Variants in RERE observed in about 807,000 individuals in gnomAD.
RERE encodes arginine-glutamic acid dipeptide repeats.
In RERE, 40 loss-of-function variants were observed where a neutral mutation model predicts 146.1. The ratio of observed to expected loss-of-function variants is 0.27; its 90% CI spans 0.21 to 0.36. The LOEUF (loss-of-function observed/expected upper bound fraction) is 0.36. Among genes scored for constraint, RERE ranks in the 10% least tolerant of loss-of-function variants. The pLI is 1.00. For missense variants in RERE, 1,933 were observed against 2,138.7 expected, an observed-to-expected ratio of 0.90 and a Z score of 1.90; for synonymous variants, 1,003 against 866.0, an observed-to-expected ratio of 1.16 and a Z score of -2.78.
intron 6 of RERE, among the ~76,000 whole-genome samples, chr1:8,555,209 T>C (rs1333077459): frequency 3.9e-5 from 6 of 152,206 alleles, no homozygotes; most frequent in Non-Finnish European, 8.8e-5. Flanking sequence ...CATTTTTAAA[T>C]GGCTGAAAAA....
chr1:8,800,911 G>A (rs769955508), intron 1 of RERE, among the ~76,000 whole-genome samples: 4 of 152,108 alleles, frequency 2.6e-5, no homozygotes, highest in Non-Finnish European at 5.9e-5. Context: ...GTTGCAGTGA[G>A]CCGAGATTGC....
intron 1 of RERE, among the ~76,000 whole-genome samples, chr1:8,785,073 C>T (rs1172950110): frequency 2.0e-5 from 3 of 152,182 alleles, no homozygotes; most frequent in African/African-American, 7.2e-5. Context: ...AGAACCAAAG[C>T]AAATCATAAC....
chr1:8,739,584 C>T (rs907391422), intron 1 of RERE, among the ~76,000 whole-genome samples: 1 of 151,964 alleles, frequency 6.6e-6, no homozygotes, highest in Admixed American at 6.6e-5. Flanking sequence ...TGCCAGCTGG[C>T]GGAGGAAAAG....
At chr1:8,503,085 T>TAAAAAAAAAAA (rs1380278514) in intron 8 of RERE, among the ~76,000 whole-genome samples, 6 of 124,948 alleles carry the variant, frequency 4.8e-5, no homozygotes, top group African/African-American at 1.9e-4. Flanking sequence ...AATGATCAAT[T>TAAAAAAAAAAA]AAAAATAAAT....
chr1:8,470,737 T>C (rs755554527), intron 10 of RERE, among the ~76,000 whole-genome samples: 4 of 151,524 alleles, frequency 2.6e-5, no homozygotes, highest in Non-Finnish European at 4.4e-5. Context: ...CACTATCTTC[T>C]TAATGTTATA....
chr1:8,569,257 C>CAAAA (rs77151908), intron 4 of RERE, among the ~76,000 whole-genome samples: 49 of 101,502 alleles, frequency 4.8e-4, no homozygotes, highest in African/African-American at 1.5e-3. Context: ...TCTTTAAAAG[C>CAAAA]AAAAAAAAAA....
intron 21 of RERE, among the ~76,000 whole-genome samples, 184 bp from the exon 22 acceptor site, chr1:8,355,783 T>G (rs1375716235): frequency 1.3e-5 from 2 of 152,014 alleles, no homozygotes; most frequent in Non-Finnish European, 2.9e-5. Flanking sequence ...GGAGGTGCCC[T>G]TGGGTGCCTC....
At chr1:8,490,729 C>A (rs1644969640) in intron 10 of RERE, among the ~76,000 whole-genome samples, 1 of 150,136 alleles carries the variant, frequency 6.7e-6, no homozygotes, top group African/African-American at 2.5e-5. Context: ...GCAAACTACT[C>A]CAAAATGATT....
intron 16 of RERE, 90 bp from the exon 17 acceptor site, chr1:8,361,966 G>A: frequency 2.2e-6 from 2 of 919,788 alleles, no homozygotes; most frequent in Non-Finnish European, 3.4e-6. Flanking sequence ...CAGACACTTT[G>A]CTCCCTCATT....
At chr1:8,637,261 C>CGACT (rs1647113092) in intron 2 of RERE, among the ~76,000 whole-genome samples, 1 of 152,120 alleles carries the variant, frequency 6.6e-6, no homozygotes, top group Non-Finnish European at 1.5e-5. Flanking sequence ...GTTCCTAGCA[C>CGACT]GACTCTACTA....
chr1:8,629,085 A>G (rs1647006244), intron 2 of RERE, among the ~76,000 whole-genome samples: 1 of 152,342 alleles, frequency 6.6e-6, no homozygotes, highest in South Asian at 2.1e-4. Flanking sequence ...CAGGGCAAGT[A>G]TATATATTTT....
chr1:8,498,720 A>T (rs534052851), intron 8 of RERE, among the ~76,000 whole-genome samples: 1,463 of 65,962 alleles, frequency 0.022, 31 homozygotes, highest in Admixed American at 0.058. Flanking sequence ...TAAAAAAAAA[A>T]AAATAAATAT....
chr1:8,646,606 T>G (rs955636615), intron 2 of RERE, among the ~76,000 whole-genome samples: 1 of 151,066 alleles, frequency 6.6e-6, no homozygotes, highest in Admixed American at 6.6e-5. Context: ...TAAGGACACA[T>G]GAAAATATAA....
At chr1:8,362,932 A>AG in intron 15 of RERE, 88 bp from the exon 16 acceptor site, 1 of 1,437,096 alleles carries the variant, frequency 7.0e-7, no homozygotes, top group South Asian at 1.3e-5. Context: ...AGAAGCCTGA[A>AG]GGCACACCCT....
intron 6 of RERE, among the ~76,000 whole-genome samples, chr1:8,556,120 G>A (rs1040398620): frequency 6.6e-6 from 1 of 152,022 alleles, no homozygotes; most frequent in African/African-American, 2.4e-5. Flanking sequence ...CAAAATGCCA[G>A]GATTACAGAT....
rs573135224 is a variant in RERE, at chr1:8,516,227, G to GGAAAAAAAAAAAAAAA, written c.831-7553_831-7552insTTTTTTTTTTTTTTTC. Among the ~76,000 whole-genome samples, 44 of 52,306 alleles carry GGAAAAAAAAAAAAAAA rather than the reference G, an allele frequency of 8.4e-4. 8 individuals carry two copies. The highest frequency in any genetic ancestry group is 3.5e-3 in the African/African-American group (41 of 11,626). 34.3% of individuals were successfully genotyped at this position (52,306 alleles called of 152,430 possible). ...GGGACGGAGCAAGACTCTCTCAGAG[G>GGAAAAAAAAAAAAAAA]AAAAAAAAAAAAAAAAAAAAAATCT... is the stretch of plus-strand genomic sequence containing the variant. On this transcript the variant is annotated intron_variant, in intron 7 of 22. Transcript: ENST00000400908.
chr1:8,713,726 C>T (rs1387920475), intron 1 of RERE, among the ~76,000 whole-genome samples: 1 of 152,054 alleles, frequency 6.6e-6, no homozygotes, highest in East Asian at 1.9e-4. Context: ...AAGAGCAAAA[C>T]TCCATCTCAA....
chr1:8,680,503 T>C (rs901746563), intron 1 of RERE, among the ~76,000 whole-genome samples: 2 of 152,106 alleles, frequency 1.3e-5, no homozygotes, highest in Non-Finnish European at 2.9e-5. Context: ...AGAAGGACTC[T>C]GACAACAGAA....
At chr1:8,673,876 C>T (rs1464192324) in intron 1 of RERE, among the ~76,000 whole-genome samples, 1 of 152,016 alleles carries the variant, frequency 6.6e-6, no homozygotes, top group Non-Finnish European at 1.5e-5. Context: ...ACAAAAACTA[C>T]ACAAATTAGC....
Sources: allele counts gnomAD v4.1 joint callset (sites outside exome capture counted in the v4.1 genomes callset), GRCh38; gene constraint gnomAD v4.1.1; transcripts MANE v1.5; gene names NCBI Gene and HGNC (gene_info 2026-07-23, HGNC 2026-07-21).